Variants in DDX11 observed in about 807,000 individuals in gnomAD.
The protein encoded by DDX11 is DEAD/H-box helicase 11.
Under a neutral mutation model 125.2 loss-of-function variants are expected in DDX11, and 72 were observed. That is an observed-to-expected ratio of 0.58 (90% CI 0.48 to 0.70). DDX11 has a LOEUF of 0.70. DDX11 is among the 30% of genes least tolerant of loss of function. The pLI, the probability that DDX11 is intolerant of heterozygous loss-of-function variation, is 0.00. For synonymous variants in DDX11, 347 were observed against 452.6 expected (o/e 0.77, Z 2.96); for missense variants, 883 against 1,165.0 (o/e 0.76, Z 3.52).
intron 10 of DDX11, among the ~76,000 whole-genome samples, 180 bp downstream of exon 10, chr12:31,092,051 G>A (rs1327335792): frequency 1.3e-5 from 2 of 152,246 alleles, no homozygotes; most frequent in African/African-American, 2.4e-5. Flanking sequence ...GGGGGACCCC[G>A]CTATGACAGA....
chr12:31,100,949 G>A (rs1946270527), intron 19 of DDX11, 78 bp from the exon 20 acceptor site: 4 of 1,343,490 alleles, frequency 3.0e-6, no homozygotes, highest in East Asian at 4.6e-5. Flanking sequence ...GGATGATGGG[G>A]CAGGGAAATG....
In DDX11 at chr12:31,101,320, G is replaced by A. The variant is rs536961090; in HGVS notation, c.2052+190G>A. 2.9e-3 allele frequency: 1,858 copies of A among 636,886 alleles called. 8 individuals carry two copies. The highest frequency in any genetic ancestry group is 3.6e-3 in the Non-Finnish European group (1,269 of 351,376). The allele number at this position is 636,886 out of a possible 1,614,324, so 39.5% of individuals were successfully genotyped here. ...TATGGAGGAAGGTCTGAGCTTCCCC[G>A]CCCCTCACGCCTTAGGCTGCGAAAT... On this transcript the variant is annotated intron_variant, in intron 20 of 26. Coordinates refer to ENST00000542838, the MANE Select transcript of DDX11 (RefSeq NM_030653.4).
intron 14 of DDX11, among the ~76,000 whole-genome samples, chr12:31,095,174 C>T (rs1314428848): frequency 2.6e-5 from 4 of 152,218 alleles, no homozygotes; most frequent in Non-Finnish European, 5.9e-5. Context: ...CCCACTTGGG[C>T]CTTGGGTCTG....
At chr12:31,098,473 G>A (rs1475198457) in intron 18 of DDX11, among the ~76,000 whole-genome samples, 1 of 152,246 alleles carries the variant, frequency 6.6e-6, no homozygotes, top group African/African-American at 2.4e-5. Flanking sequence ...CAGCAAGCAT[G>A]CACGTATTTC....
At chr12:31,077,174 G>A (rs1445398140) in intron 1 of DDX11, among the ~76,000 whole-genome samples, 1 of 151,828 alleles carries the variant, frequency 6.6e-6, no homozygotes, top group Non-Finnish European at 1.5e-5. Context: ...AGAGCTTGGA[G>A]AAGTGAGTTC....
At chr12:31,095,084 C>T (rs940216328) in intron 14 of DDX11, among the ~76,000 whole-genome samples, 3 of 152,194 alleles carry the variant, frequency 2.0e-5, no homozygotes, top group Non-Finnish European at 2.9e-5. Context: ...TCTCTCACTC[C>T]GTCTTCTGGC....
At chr12:31,083,349 C>T (rs557059422) in intron 2 of DDX11, among the ~76,000 whole-genome samples, 22 of 150,940 alleles carry the variant, frequency 1.5e-4, no homozygotes, top group African/African-American at 4.6e-4. Context: ...AAACCGTAAG[C>T]ACTGGCGCTC....
In DDX11 at chr12:31,093,481, G is replaced by A. The variant is rs1486843179; in HGVS notation, c.1369+157G>A. 1.5e-5 allele frequency: 14 copies of A among 937,598 alleles called. No homozygotes were observed. In the East Asian group the frequency reaches 2.0e-4, roughly 13 times the overall value. The allele number at this position is 937,598 out of a possible 1,614,324, so 58.1% of individuals were successfully genotyped here. A position where few individuals can be genotyped will look rare whatever the true frequency, so the allele number is the denominator to read the frequency against. ...CTGTAATCCCAGCACTTGGGAGGCCGAGGCAGGTGGTTCACCTGAGGTTAG... is the reference window on the plus strand; with the variant it reads ...CTGTAATCCCAGCACTTGGGAGGCCAAGGCAGGTGGTTCACCTGAGGTTAG... On this transcript the variant is annotated intron_variant, in intron 12 of 26. Transcript: ENST00000542838.
chr12:31,094,782 TTC>T lies in DDX11; in HGVS notation c.1446_1447del (p.Phe483ProfsTer17). The T allele has an allele frequency of 1.2e-6, 2 of 1,613,538 alleles. No homozygotes were observed. The highest frequency in any genetic ancestry group is 1.7e-6 in the Non-Finnish European group (2 of 1,179,472). On this transcript the variant is annotated frameshift_variant, in exon 14 of 27. Coordinates refer to ENST00000542838, the MANE Select transcript of DDX11 (RefSeq NM_030653.4). LOFTEE classifies it high-confidence loss of function. ...ACGGAGCTGAAGACCATCAACGACTTTCTCTTCCAGAGCCAGATCGACAACAT... is the reference window on the plus strand; with the variant it reads ...ACGGAGCTGAAGACCATCAACGACTTTCTTCCAGAGCCAGATCGACAACAT...
chr12:31,083,330 AC>A lies in DDX11; in HGVS notation c.145-482del, dbSNP rs1193756326. ...GTTTGCTTAAAAAAAAAAAAACAAAACAAAACACAAACCGTAAGCACTGGCG... is the reference window on the plus strand; with the variant it reads ...GTTTGCTTAAAAAAAAAAAAACAAAAAAAACACAAACCGTAAGCACTGGCG... On this transcript the variant is annotated intron_variant, in intron 2 of 26. Coordinates refer to ENST00000542838, the MANE Select transcript of DDX11 (RefSeq NM_030653.4). 7.9e-5 allele frequency among the ~76,000 whole-genome samples: 10 copies of A among 127,102 alleles called. No homozygotes were observed. In the East Asian group the frequency reaches 9.9e-4, roughly 13 times the overall value. 83.4% of individuals were successfully genotyped at this position (127,102 alleles called of 152,430 possible). A position where few individuals can be genotyped will look rare whatever the true frequency, so the allele number is the denominator to read the frequency against.
chr12:31,094,325 G>C, intron 12 of DDX11: 1 of 463,880 alleles, frequency 2.2e-6, no homozygotes, highest in South Asian at 2.1e-5. Context: ...GCTGTGTCCC[G>C]GCCTCCTGGA....
intron 2 of DDX11, among the ~76,000 whole-genome samples, chr12:31,079,729 T>G: frequency 6.6e-6 from 1 of 152,200 alleles, no homozygotes. Flanking sequence ...GATCCTCCCC[T>G]CTCAGCCTCC....
In DDX11 at chr12:31,103,342, C is replaced by G. The variant is rs762692275; in HGVS notation, c.2483C>G (p.Pro828Arg). Residue 828 changes from proline to arginine, a missense_variant, in exon 25 of 27, where the codon CCA becomes CGA. Transcript: ENST00000542838. Reference sequence around the variant, plus strand: ...CCCAGAGCCCCCGGCCAGGCACCCCCAGGGAAGGCTCTGGTGGAGAACCTG... The same window carrying G: ...CCCAGAGCCCCCGGCCAGGCACCCCGAGGGAAGGCTCTGGTGGAGAACCTG... ...TLPRAPGQAP[P>R]GKALVENLCM... 6 of 1,611,320 alleles carry G rather than the reference C, an allele frequency of 3.7e-6. No homozygotes were observed. The highest frequency in any genetic ancestry group is 2.2e-4 in the Middle Eastern group (1 of 4,502).
At position 31,089,471 on chromosome 12, in the gene DDX11, C is replaced by G. The variant is rs1257259647; in HGVS notation, c.861C>G (p.Asp287Glu). 1 of 1,613,832 alleles carries G rather than the reference C, an allele frequency of 6.2e-7. No homozygotes were observed. The highest frequency in any genetic ancestry group is 1.3e-5 in the African/African-American group (1 of 75,038). The change falls in exon 8 of 27, where the codon GAC (aspartate) becomes GAG (glutamate). Residue 287 changes from aspartate to glutamate, a missense_variant. Asp to Glu is a conservative substitution (Grantham distance 45). Transcript: ENST00000542838. ...AGCTTATCAACGACCGCTGTGTGGA[C>G]ATGCAGAGAAGCAGGCACGGTAGCC... ...SVQLINDRCV[D>E]MQRSRHEKKK...
rs978972300 is a variant in DDX11, at chr12:31,078,682, T to A, written c.144+145T>A. ...ATCTGAGTAATAGTCACTTCCTCTA[T>A]TAAAGTCTTTTTTTTTTTTTTTTGA... is the stretch of plus-strand genomic sequence containing the variant. On this transcript the variant is annotated intron_variant, in intron 2 of 26. Transcript: ENST00000542838. 15 of 1,249,058 alleles carry A rather than the reference T, an allele frequency of 1.2e-5. No homozygotes were observed. The Admixed American group carries it at 1.8e-4, about 15-fold the overall frequency. 77.4% of individuals were successfully genotyped at this position (1,249,058 alleles called of 1,614,324 possible). A position where few individuals can be genotyped will look rare whatever the true frequency, so the allele number is the denominator to read the frequency against.
At chr12:31,098,307 T>C (rs143009408) in intron 18 of DDX11, among the ~76,000 whole-genome samples, 7,992 of 152,256 alleles carry the variant, frequency 0.052, 140 homozygotes, top group Middle Eastern at 0.088. Flanking sequence ...AAAAGGTTCA[T>C]TTTGATGTAT....
At chr12:31,084,896 T>G in intron 4 of DDX11, 73 bp from the exon 5 acceptor site, 1 of 1,540,734 alleles carries the variant, frequency 6.5e-7, no homozygotes, top group Admixed American at 1.9e-5. Context: ...GTGCTTTGTC[T>G]CTGGCATGTG....
chr12:31,101,073 C>T lies in DDX11; in HGVS notation c.1995C>T (p.Ser665=), dbSNP rs764186175. The T allele has an allele frequency of 2.2e-5, 35 of 1,614,020 alleles. No individual in the cohort carries two copies. The highest frequency in any genetic ancestry group is 2.7e-5 in the African/African-American group (2 of 74,914). ...PDNILPLVIC[S]GISNQPLEFT... is the part of the protein sequence containing the mutation. ...ACATCCTGCCCCTCGTCATCTGCAG[C>T]GGGATCTCCAACCAGCCGCTGGAAT... The change falls in exon 20 of 27, where the codon AGC becomes AGT. Residue 665 remains serine, a synonymous_variant. Coordinates refer to ENST00000542838, the MANE Select transcript of DDX11 (RefSeq NM_030653.4).
intron 5 of DDX11, among the ~76,000 whole-genome samples, 196 bp downstream of exon 5, chr12:31,085,322 T>G (rs1188489177): frequency 6.6e-6 from 1 of 152,234 alleles, no homozygotes; most frequent in Non-Finnish European, 1.5e-5. Flanking sequence ...CTGGCCTGTG[T>G]CCTCTCAGCT....
Sources: allele counts gnomAD v4.1 joint callset (sites outside exome capture counted in the v4.1 genomes callset), GRCh38; gene constraint gnomAD v4.1.1; transcripts MANE v1.5; gene names NCBI Gene and HGNC (gene_info 2026-07-23, HGNC 2026-07-21).